The following GTF2F2 variants were observed in gnomAD, a reference collection of about 807,000 sequenced individuals.
GTF2F2 encodes general transcription factor IIF subunit 2.
Under a neutral mutation model 42.2 loss-of-function variants are expected in GTF2F2, and 23 were observed. That is an observed-to-expected ratio of 0.55 (90% CI 0.39 to 0.77). The LOEUF (loss-of-function observed/expected upper bound fraction) is 0.77, where lower values mean the gene tolerates loss of function less well. Among genes scored for constraint, GTF2F2 ranks in the 30% least tolerant of loss-of-function variants. The pLI is 0.00. For synonymous variants in GTF2F2, 105 were observed against 100.8 expected (o/e 1.04, Z -0.25); for missense variants, 261 against 287.2 (o/e 0.91, Z 0.66).
Position 45,212,447 on chromosome 13 carries a change from G to GTTTCTTTCTTTTCTTTTCT in GTF2F2, c.386+4953_386+4954insTCTTTTCTTTTCTTTCTTT, listed in dbSNP as rs765065810. On this transcript the variant is annotated intron_variant, in intron 5 of 7. Coordinates refer to ENST00000340473, the MANE Select transcript of GTF2F2 (RefSeq NM_004128.3). ...TGATTTCTTTCTTTCTTTCTTTCTT[G>GTTTCTTTCTTTTCTTTTCT]TTTCTTTCTTTCTTTCTTTCTTTCT... 9.4e-4 allele frequency among the ~76,000 whole-genome samples: 43 copies of GTTTCTTTCTTTTCTTTTCT among 45,684 alleles called. 5 individuals are homozygous for GTTTCTTTCTTTTCTTTTCT. The highest frequency in any genetic ancestry group is 1.5e-3 in the East Asian group (3 of 2,046). The allele number at this position is 45,684 out of a possible 152,430, so 30.0% of individuals were successfully genotyped here.
intron 4 of GTF2F2, chr13:45,207,096 G>A (rs1873447038): frequency 1.0e-5 from 2 of 193,874 alleles, no homozygotes; most frequent in South Asian, 2.7e-4. Context: ...TTACTTCTTT[G>A]TCAAAGACGA....
chr13:45,279,605 G>A (rs1309000147), intron 7 of GTF2F2, among the ~76,000 whole-genome samples: 1 of 152,158 alleles, frequency 6.6e-6, no homozygotes, highest in East Asian at 1.9e-4. Context: ...TGTGCACGCA[G>A]GCACTATAAC....
chr13:45,179,584 C>T (rs1433276986), intron 4 of GTF2F2, among the ~76,000 whole-genome samples: 1 of 152,104 alleles, frequency 6.6e-6, no homozygotes, highest in Non-Finnish European at 1.5e-5. Flanking sequence ...GACTTTCTAC[C>T]TTGTATAGGC....
At chr13:45,202,442 T>G (rs912560649) in intron 4 of GTF2F2, among the ~76,000 whole-genome samples, 28 of 151,758 alleles carry the variant, frequency 1.8e-4, no homozygotes, top group African/African-American at 6.5e-4. Flanking sequence ...TCTGAGTGGG[T>G]GTGTGTGTGT....
At chr13:45,274,297 A>G (rs1593530649) in intron 7 of GTF2F2, among the ~76,000 whole-genome samples, 1 of 140,730 alleles carries the variant, frequency 7.1e-6, no homozygotes, top group African/African-American at 2.7e-5. Context: ...TCAATTTAAA[A>G]CCTTTTATTT....
chr13:45,191,255 A>C (rs866491342), intron 4 of GTF2F2, among the ~76,000 whole-genome samples: 8 of 136,526 alleles, frequency 5.9e-5, no homozygotes, highest in African/African-American at 1.8e-4. Context: ...ATATATATAT[A>C]GCCATAATCT....
intron 4 of GTF2F2, among the ~76,000 whole-genome samples, chr13:45,159,345 T>C (rs1198499746): frequency 6.6e-6 from 1 of 152,270 alleles, no homozygotes; most frequent in Non-Finnish European, 1.5e-5. Flanking sequence ...ATCTGTCCTG[T>C]ATGGTACTGT....
rs960106562 is a variant in GTF2F2 at position 45,264,335 on chromosome 13, G to A, written c.487-2898G>A. 5.3e-5 allele frequency among the ~76,000 whole-genome samples: 8 copies of A among 151,606 alleles called. No homozygotes were observed. In the South Asian group the frequency reaches 1.7e-3, roughly 32 times the overall value. Reference sequence around the variant, plus strand: ...GTCACTCTGTTGCTGAGAGTGGAGTGTAGTGGCACGATCTTGGCTCACTGC... The same window carrying A: ...GTCACTCTGTTGCTGAGAGTGGAGTATAGTGGCACGATCTTGGCTCACTGC... On this transcript the variant is annotated intron_variant, in intron 6 of 7. Transcript: ENST00000340473.
At chr13:45,129,039 T>C (rs1869199042) in intron 1 of GTF2F2, among the ~76,000 whole-genome samples, 1 of 152,200 alleles carries the variant, frequency 6.6e-6, no homozygotes, top group Admixed American at 6.5e-5. Flanking sequence ...TCTCCAGTAG[T>C]TTGATCACAG....
At chr13:45,145,501 A>G (rs993901482) in intron 2 of GTF2F2, among the ~76,000 whole-genome samples, 4 of 152,180 alleles carry the variant, frequency 2.6e-5, no homozygotes, top group African/African-American at 7.2e-5. Context: ...GCTAGGGAGC[A>G]TATGTACACA....
intron 7 of GTF2F2, among the ~76,000 whole-genome samples, chr13:45,279,629 C>T (rs1877175754): frequency 1.3e-5 from 2 of 152,120 alleles, no homozygotes; most frequent in African/African-American, 2.4e-5. Flanking sequence ...AGCATGTGGC[C>T]GGGCGCGGTG....
chr13:45,235,945 T>A (rs772913365), intron 5 of GTF2F2, among the ~76,000 whole-genome samples: 1 of 152,102 alleles, frequency 6.6e-6, no homozygotes, highest in Non-Finnish European at 1.5e-5. Context: ...TGTAAGTCTT[T>A]ACTATTTACC....
chr13:45,196,233 A>G (rs1265441162), intron 4 of GTF2F2, among the ~76,000 whole-genome samples: 1 of 152,216 alleles, frequency 6.6e-6, no homozygotes, highest in Non-Finnish European at 1.5e-5. Context: ...TTGCTTAGAG[A>G]CTGTGAAATT....
chr13:45,169,083 G>A (rs575385689), intron 4 of GTF2F2, among the ~76,000 whole-genome samples: 1 of 151,554 alleles, frequency 6.6e-6, no homozygotes, highest in Admixed American at 6.6e-5. Flanking sequence ...TCGAACTCCT[G>A]ACCTCAAGTG....
At chr13:45,234,367 A>C (rs1026405855) in intron 5 of GTF2F2, among the ~76,000 whole-genome samples, 4 of 152,138 alleles carry the variant, frequency 2.6e-5, no homozygotes, top group African/African-American at 9.7e-5. Flanking sequence ...TAATATACAG[A>C]GTCTAGATTT....
intron 4 of GTF2F2, among the ~76,000 whole-genome samples, chr13:45,157,495 C>T (rs573531275): frequency 6.6e-6 from 1 of 151,944 alleles, no homozygotes; most frequent in South Asian, 2.1e-4. Flanking sequence ...AGGGCTGGAA[C>T]CGGGAGGCTC....
chr13:45,191,253 A>ATATATATATATATATATG (rs1566129375), intron 4 of GTF2F2, among the ~76,000 whole-genome samples: 1 of 138,568 alleles, frequency 7.2e-6, no homozygotes, highest in East Asian at 2.0e-4. Context: ...ATATATATAT[A>ATATATATATATATATATG]TAGCCATAAT....
intron 4 of GTF2F2, chr13:45,194,328 G>A: frequency 6.2e-7 from 1 of 1,614,162 alleles, no homozygotes; most frequent in Middle Eastern, 1.6e-4. Flanking sequence ...GACCATCCCT[G>A]TCTATGAAAT....
At chr13:45,192,251 T>C (rs1205262439) in intron 4 of GTF2F2, among the ~76,000 whole-genome samples, 2 of 152,174 alleles carry the variant, frequency 1.3e-5, no homozygotes, top group Non-Finnish European at 2.9e-5. Flanking sequence ...ATGTAGCTAA[T>C]GTGGAATTTG....
Sources: gnomAD v4.1 joint callset for allele counts (sites outside exome capture counted in the v4.1 genomes callset) on GRCh38, gnomAD v4.1.1 for gene constraint, MANE v1.5 for transcripts, NCBI Gene and HGNC (gene_info 2026-07-23, HGNC 2026-07-21) for gene names.